MAP1A: variants seen among roughly 807,000 people sequenced by gnomAD.
The protein encoded by MAP1A is microtubule associated protein 1A.
In MAP1A, 42 loss-of-function variants were observed where a neutral mutation model predicts 185.9. The ratio of observed to expected loss-of-function variants is 0.23; its 90% CI spans 0.18 to 0.29. MAP1A has a LOEUF of 0.29. MAP1A is among the 10% of genes least tolerant of loss of function. MAP1A has a pLI of 1.00. For missense variants in MAP1A, 2,995 were observed against 3,450.4 expected, an observed-to-expected ratio of 0.87 and a Z score of 3.31; for synonymous variants, 1,229 against 1,335.9, an observed-to-expected ratio of 0.92 and a Z score of 1.74.
chr15:43,510,965 G>A (rs1232042684), exon 1 of MAP1A: 1 of 1,495,470 alleles, frequency 6.7e-7, no homozygotes, highest in East Asian at 2.5e-5. Flanking sequence ...GAAGCTGCCG[G>A]ACTAACACTC....
Position 43,521,381 on chromosome 15 carries a change from T to C in MAP1A, c.-93T>C, listed in dbSNP as rs757584673. On this transcript the variant is annotated 5_prime_UTR_variant, in exon 4 of 6. Coordinates refer to ENST00000300231, the MANE Select transcript of MAP1A (RefSeq NM_002373.6). The surrounding 1 kb of genome is among the most constrained non-coding windows in gnomAD (Gnocchi z 4.6). ...GATACAGGCCTTCCTTACCGTGTCC[T>C]GCTTAGGGGAAGGTGATTGGAGCCA... 32 of 1,613,808 alleles carry C rather than the reference T, an allele frequency of 2.0e-5. 1 individual carries two copies. The South Asian group carries it at 3.5e-4, about 18-fold the overall frequency.
rs201665184 is a variant in MAP1A, at chr15:43,523,288, C to G, written c.1815C>G (p.Ser605Arg). The part of the protein sequence containing the change: ...LVPEVPEEQG[S>R]KDRGLDSGAE... ...CAGAGGTCCCTGAGGAACAAGGCAG[C>G]AAGGACAGAGGCCTAGACTCTGGGG... Residue 605 changes from serine to arginine, a missense_variant, in exon 4 of 6, where the codon AGC becomes AGG. By Grantham distance (110) the Ser-to-Arg change is moderately radical. Coordinates refer to ENST00000300231, the MANE Select transcript of MAP1A (RefSeq NM_002373.6). 432 of 1,613,110 alleles carry G rather than the reference C, an allele frequency of 2.7e-4. No homozygotes were observed. Among genetic ancestry groups the G allele is most frequent in the Non-Finnish European group, 3.4e-4 (402 of 1,179,544 alleles).
chr15:43,527,325 C>G lies in MAP1A; in HGVS notation c.5852C>G (p.Pro1951Arg), dbSNP rs768903001. 1 of 1,614,036 alleles carries G rather than the reference C, an allele frequency of 6.2e-7. No individual in the cohort carries two copies. The highest frequency in any genetic ancestry group is 8.5e-7 in the Non-Finnish European group (1 of 1,180,012). Reference protein sequence around the residue: ...HATTEPEQTEPEQREPTPYPD... With the variant: ...HATTEPEQTEREQREPTPYPD... ...ACCACGGAGCCTGAGCAGACTGAGCCGGAGCAGAGAGAGCCCACACCCTAT... is the reference window on the plus strand; with the variant it reads ...ACCACGGAGCCTGAGCAGACTGAGCGGGAGCAGAGAGAGCCCACACCCTAT... Residue 1951 changes from proline (P) to arginine (R), a missense_variant, in exon 4 of 6, where the codon CCG (proline) becomes CGG (arginine). By Grantham distance (103) the Pro-to-Arg change is moderately radical. This residue lies in a region of MAP1A where 2,728 missense variants were observed against 2,986.0 expected (regional missense o/e 0.91). Transcript: ENST00000300231.
Position 43,521,840 on chromosome 15 carries a change from T to G in MAP1A, c.367T>G (p.Trp123Gly). 6.2e-7 allele frequency: 1 copy of G among 1,614,248 alleles called. No homozygotes were observed. The highest frequency in any genetic ancestry group is 8.5e-7 in the Non-Finnish European group (1 of 1,180,054). ...CCAGGGCTCTAGCAGTTACAGCGAC[T>G]GGGTGAAGAACCTTATCTCTCCTGA... is the stretch of plus-strand genomic sequence containing the variant. Reference protein sequence around the residue: ...QSQGSSSYSDWVKNLISPELG... With the variant: ...QSQGSSSYSDGVKNLISPELG... The change falls in exon 4 of 6, where the codon TGG (tryptophan) becomes GGG (glycine). Residue 123 changes from tryptophan (W) to glycine (G), a missense_variant. This residue lies in a region of MAP1A where 264 missense variants were observed against 435.3 expected (regional missense o/e 0.61). Transcript: ENST00000300231. The surrounding 1 kb of genome is among the most constrained non-coding windows in gnomAD (Gnocchi z 4.6).
intron 1 of MAP1A, chr15:43,512,096 C>G: frequency 1.4e-6 from 1 of 739,756 alleles, no homozygotes. Flanking sequence ...CCTCCCTCTC[C>G]TTACCTGTTC....
chr15:43,514,279 G>C (rs986113323), upstream of MAP1A, among the ~76,000 whole-genome samples: 7 of 152,306 alleles, frequency 4.6e-5, no homozygotes, highest in African/African-American at 1.7e-4. Flanking sequence ...CAGGAGAATA[G>C]TAGAGAATTT....
In MAP1A at chr15:43,530,303, G is replaced by C; in HGVS notation, c.*79G>C. 4 of 1,559,746 alleles carry C rather than the reference G, an allele frequency of 2.6e-6. No individual in the cohort carries two copies. Among genetic ancestry groups the C allele is most frequent in the Non-Finnish European group, 3.5e-6 (4 of 1,147,108 alleles). ...GGCTACTGCTGAGTCCTTTGGGGTT[G>C]AGGGAGATGGGAGCTAGGGGGAGGG... On this transcript the variant is annotated 3_prime_UTR_variant, in exon 6 of 6. Transcript: ENST00000300231.
rs767508643 is a variant in MAP1A, at chr15:43,524,300, G to C, written c.2827G>C (p.Glu943Gln). 1 of 1,614,240 alleles carries C rather than the reference G, an allele frequency of 6.2e-7. No individual in the cohort carries two copies. The highest frequency in any genetic ancestry group is 1.1e-5 in the South Asian group (1 of 91,092). The change falls in exon 4 of 6, where the codon GAG becomes CAG. Residue 943 changes from glutamate (E) to glutamine (Q), a missense_variant. This residue lies in a region of MAP1A where 2,728 missense variants were observed against 2,986.0 expected (regional missense o/e 0.91). Transcript: ENST00000300231. ...SGERAVEEEE[E>Q]ETANVEMSEK... ...AGAGAGAGCTGTGGAAGAGGAAGAG[G>C]AGGAGACAGCAAACGTAGAGATGTC...
intron 1 of MAP1A, among the ~76,000 whole-genome samples, chr15:43,518,694 C>T (rs1566976431): frequency 7.3e-6 from 1 of 137,820 alleles, no homozygotes; most frequent in Non-Finnish European, 1.5e-5. Flanking sequence ...TGCTCAGCCT[C>T]TGCACCGCAG....
chr15:43,527,186 C>T lies in MAP1A; in HGVS notation c.5713C>T (p.Leu1905=), dbSNP rs774800911. 4 of 1,613,990 alleles carry T rather than the reference C, an allele frequency of 2.5e-6. No homozygotes were observed. The highest frequency in any genetic ancestry group is 2.2e-5 in the South Asian group (2 of 91,052). Residue 1905 remains leucine (L), a synonymous_variant, in exon 4 of 6, where the codon CTG becomes TTG. Coordinates refer to ENST00000300231, the MANE Select transcript of MAP1A (RefSeq NM_002373.6). ...GTTGGAAGGTGGGCCATACTCCCCC[C>T]TGGGGAAGGACTACCGCAAGGCTGA... ...AELEGGPYSP[L]GKDYRKAEGE...
chr15:43,516,654 T>A (rs1339208738), upstream of MAP1A, among the ~76,000 whole-genome samples: 1 of 152,086 alleles, frequency 6.6e-6, no homozygotes, highest in East Asian at 1.9e-4. Flanking sequence ...GGAAACAGGA[T>A]CAACATTAGA....
exon 2 of MAP1A, chr15:43,512,258 C>T (rs766925738): frequency 1.1e-4 from 166 of 1,548,398 alleles, no homozygotes; most frequent in Non-Finnish European, 1.4e-4. Flanking sequence ...CTTCATTACC[C>T]GGCACCTAGC....
rs1566976482 is a variant in MAP1A, at chr15:43,518,717, C to CCA, written c.-375+1017_-375+1018insCA. On this transcript the variant is annotated intron_variant, in intron 1 of 5. Transcript: ENST00000300231. ...CTCTGCACCGCAGCCCACCCCCCCC[C>CCA]GCAACTCCAGCACTGGCTGAGCACT... Among the ~76,000 whole-genome samples, 902 of 140,996 alleles carry CCA rather than the reference C, an allele frequency of 6.4e-3. 22 individuals carry two copies. Among genetic ancestry groups the CCA allele is most frequent in the East Asian group, 0.047 (220 of 4,702 alleles). The allele number at this position is 140,996 out of a possible 152,430, so 92.5% of individuals were successfully genotyped here.
At chr15:43,511,223 C>A (rs1460174117) in exon 1 of MAP1A, 1 of 1,549,638 alleles carries the variant, frequency 6.5e-7, no homozygotes, top group Non-Finnish European at 8.7e-7. Context: ...CCACCTTGAA[C>A]AAGGTGAGCC....
At position 43,522,898 on chromosome 15, in the gene MAP1A, C is replaced by T. The variant is rs755754850; in HGVS notation, c.1425C>T (p.Leu475=). The T allele has an allele frequency of 1.9e-6, 3 of 1,612,576 alleles. No homozygotes were observed. In the South Asian group the frequency reaches 3.3e-5, roughly 18 times the overall value. ...TTACTCCTGAGGTACGTAAGACCCT[C>T]TATAAAGCCAAGGTCCCTGGAAGAG... ...KPFTPEVRKT[L]YKAKVPGRVK... The change falls in exon 4 of 6, where the codon CTC becomes CTT. Residue 475 remains leucine (L), a synonymous_variant. Coordinates refer to ENST00000300231, the MANE Select transcript of MAP1A (RefSeq NM_002373.6). The surrounding 1 kb of genome is among the most constrained non-coding windows in gnomAD (Gnocchi z 5.9).
rs77969307 is a variant in MAP1A at position 43,525,496 on chromosome 15, G to C, written c.4023G>C (p.Lys1341Asn). ...PGPALEDIAI[K>N]WEDKVPGLKD... is the part of the protein sequence containing the mutation. ...CTGCCTTGGAGGACATTGCCATAAA[G>C]TGGGAAGATAAAGTTCCAGGGTTGA... Residue 1341 changes from lysine to asparagine, a missense_variant, in exon 4 of 6, where the codon AAG (lysine) becomes AAC (asparagine). Lys to Asn is a moderately conservative substitution (Grantham distance 94). Transcript: ENST00000300231. The C allele has an allele frequency of 3.4e-5, 55 of 1,614,236 alleles. 1 individual carries two copies. The African/African-American group carries it at 6.8e-4, about 20-fold the overall frequency.
chr15:43,529,462 C>T lies in MAP1A; in HGVS notation c.7989C>T (p.His2663=). The change falls in exon 4 of 6, where the codon CAC becomes CAT. Residue 2663 remains histidine, a synonymous_variant. Coordinates refer to ENST00000300231, the MANE Select transcript of MAP1A (RefSeq NM_002373.6). The surrounding 1 kb of genome is among the most constrained non-coding windows in gnomAD (Gnocchi z 4.3). ...CCCCAGCAGAGGAAAAGGATGGACA[C>T]AGCCCCATGTCCAAAGGCCTAGTCA... ...QVTPAEEKDG[H]SPMSKGLVNG... 6.2e-7 allele frequency: 1 copy of T among 1,612,986 alleles called. No homozygotes were observed.
upstream of MAP1A, among the ~76,000 whole-genome samples, chr15:43,513,000 C>T (rs1359367523): frequency 1.3e-5 from 2 of 152,120 alleles, no homozygotes; most frequent in Non-Finnish European, 2.9e-5. Flanking sequence ...TGACAGATGT[C>T]TGTGAGGTGA....
Position 43,524,643 on chromosome 15 carries a change from C to T in MAP1A, c.3170C>T (p.Thr1057Ile). 1 of 1,614,132 alleles carries T rather than the reference C, an allele frequency of 6.2e-7. No homozygotes were observed. The highest frequency in any genetic ancestry group is 8.5e-7 in the Non-Finnish European group (1 of 1,180,024). The change falls in exon 4 of 6, where the codon ACA becomes ATA. Residue 1057 changes from threonine (T) to isoleucine (I), a missense_variant. Thr to Ile is a moderately conservative substitution (Grantham distance 89). Around this residue, in one of 3 missense-constraint regions of MAP1A, gnomAD observed 2,728 missense variants for 2,986.0 expected, o/e 0.91. Coordinates refer to ENST00000300231, the MANE Select transcript of MAP1A (RefSeq NM_002373.6). ...GTCAAGCCAGGGCCTGAAGAGGGCA[C>T]ACTAGAGAAGGAAGAGAAAGTTCCT... ...ETVKPGPEEG[T>I]LEKEEKVPPP...
Sources: gnomAD v4.1 joint callset for allele counts (sites outside exome capture counted in the v4.1 genomes callset) on GRCh38, gnomAD v4.1.1 for gene constraint, gnomAD v4.1.1 regional missense constraint, Gnocchi (gnomAD v3.1) non-coding constraint, MANE v1.5 for transcripts, NCBI Gene and HGNC (gene_info 2026-07-23, HGNC 2026-07-21) for gene names.